ABCA13: variants seen among roughly 807,000 people sequenced by gnomAD.
The protein encoded by ABCA13 is ATP binding cassette subfamily A member 13.
A neutral mutation model predicts 478.7 loss-of-function variants in ABCA13; 476 were observed. The observed-to-expected ratio is 0.99, with a 90% confidence interval of 0.92 to 1.07. The LOEUF is 1.07. Ranked by LOEUF, ABCA13 falls within the 50% of genes least tolerant of loss-of-function variation. The pLI is 0.00. For missense variants in ABCA13, 6,060 were observed against 5,910.6 expected (o/e 1.03, Z -0.83); for synonymous variants, 2,252 against 2,158.9 (o/e 1.04, Z -1.20).
intron 58 of ABCA13, among the ~76,000 whole-genome samples, chr7:48,607,146 G>C (rs1027346406): frequency 1.3e-5 from 2 of 151,878 alleles, no homozygotes; most frequent in African/African-American, 2.4e-5. Flanking sequence ...TGGGCTCTGT[G>C]GGGGTGGGAC....
Position 48,411,291 on chromosome 7 carries a change from C to CTCTTTTCTTTTCTTTTCTTTTCTT in ABCA13, c.12228+615_12228+616insCTTTTCTTTTCTTTTCTTTTCTTT, listed in dbSNP as rs1554500144. Among the ~76,000 whole-genome samples the CTCTTTTCTTTTCTTTTCTTTTCTT allele has an allele frequency of 9.5e-4, 88 of 92,864 alleles. 1 individual carries two copies. The highest frequency in any genetic ancestry group is 1.3e-3 in the Admixed American group (10 of 7,580). 60.9% of individuals were successfully genotyped at this position (92,864 alleles called of 152,430 possible). A position where few individuals can be genotyped will look rare whatever the true frequency, so the allele number is the denominator to read the frequency against. On this transcript the variant is annotated intron_variant, in intron 40 of 61. Transcript: ENST00000435803. ...TTCCTCCCTCCCTCCTCCTTCCTTCCTTCTTTTCTTTTCTTTTCTTTTCTT... is the reference window on the plus strand; with the variant it reads ...TTCCTCCCTCCCTCCTCCTTCCTTCCTCTTTTCTTTTCTTTTCTTTTCTTTTCTTTTCTTTTCTTTTCTTTTCTT...
intron 42 of ABCA13, 88 bp downstream of exon 42, chr7:48,427,959 C>T: frequency 1.1e-6 from 1 of 927,168 alleles, no homozygotes. Context: ...AGTTGTATAG[C>T]AAGGTTCTGA....
intron 58 of ABCA13, among the ~76,000 whole-genome samples, chr7:48,607,446 G>A (rs1325801094): frequency 3.9e-5 from 6 of 152,084 alleles, no homozygotes; most frequent in South Asian, 4.1e-4. Context: ...CACCTTCTGC[G>A]TCGATCTCTC....
rs190835344 is a variant in ABCA13 at position 48,321,679 on chromosome 7, G to A, written c.9999+4383G>A. 6.4e-3 allele frequency among the ~76,000 whole-genome samples: 981 copies of A among 152,322 alleles called. 9 individuals are homozygous for A. Among genetic ancestry groups the A allele is most frequent in the Non-Finnish European group, 8.4e-3 (574 of 68,030 alleles). ...AGGCCTTGGGGACCTGCTATGAGCC[G>A]GCTGCCGTGAGAGCGAGGTGGCCTC... On this transcript the variant is annotated intron_variant, in intron 27 of 61. Transcript: ENST00000435803.
intron 31 of ABCA13, among the ~76,000 whole-genome samples, chr7:48,362,929 C>T (rs1249888580): frequency 1.3e-5 from 2 of 152,078 alleles, no homozygotes; most frequent in Non-Finnish European, 2.9e-5. Context: ...ACTTTTTCTT[C>T]GTCTCTAACT....
In ABCA13 at chr7:48,374,433, G is replaced by GT. The variant is rs760504237; in HGVS notation, c.11203+18dup. Reference sequence around the variant, plus strand: ...AAGAGACAGGTAAGAGCATGCATGTGTAAAAAGTGACTCTCAGTGAATCAC... The same window carrying GT: ...AAGAGACAGGTAAGAGCATGCATGTGTTAAAAAGTGACTCTCAGTGAATCAC... On this transcript the variant is annotated intron_variant, in intron 34 of 61. Coordinates refer to ENST00000435803, the MANE Select transcript of ABCA13 (RefSeq NM_152701.5). The GT allele has an allele frequency of 6.3e-7, 1 of 1,598,190 alleles. No individual in the cohort carries two copies. The highest frequency in any genetic ancestry group is 8.5e-7 in the Non-Finnish European group (1 of 1,171,984).
At chr7:48,254,544 A>G (rs539601450) in intron 15 of ABCA13, among the ~76,000 whole-genome samples, 2 of 152,260 alleles carry the variant, frequency 1.3e-5, no homozygotes, top group South Asian at 4.1e-4. Context: ...CACTCTACAT[A>G]AATCTTTTTA....
chr7:48,382,798 G>C (rs1006734046), intron 35 of ABCA13, among the ~76,000 whole-genome samples: 2 of 151,322 alleles, frequency 1.3e-5, no homozygotes, highest in African/African-American at 4.9e-5. Flanking sequence ...CTAGAATGAA[G>C]GTCATAAGAA....
chr7:48,216,214 G>A (rs1786452193), intron 3 of ABCA13, among the ~76,000 whole-genome samples: 1 of 152,146 alleles, frequency 6.6e-6, no homozygotes, highest in South Asian at 2.1e-4. Context: ...CCCATCATCA[G>A]TGGTAGAAAG....
intron 42 of ABCA13, among the ~76,000 whole-genome samples, chr7:48,440,699 A>G (rs1823468542): frequency 6.6e-6 from 1 of 151,724 alleles, no homozygotes; most frequent in Non-Finnish European, 1.5e-5. Context: ...TTGAAGATGT[A>G]TTGCCTATAT....
chr7:48,235,207 A>G (rs1427069131), intron 8 of ABCA13, among the ~76,000 whole-genome samples: 2 of 152,176 alleles, frequency 1.3e-5, no homozygotes, highest in African/African-American at 4.8e-5. Flanking sequence ...TTTATTAATC[A>G]TCTCACAATT....
intron 19 of ABCA13, among the ~76,000 whole-genome samples, chr7:48,283,055 G>A (rs577322856): frequency 1.5e-4 from 23 of 152,330 alleles, no homozygotes; most frequent in Middle Eastern, 3.4e-3. Flanking sequence ...TGGGCTGTTG[G>A]CATGTTCTGG....
In ABCA13 at chr7:48,272,859, C is replaced by T. The variant is rs1361670895; in HGVS notation, c.3193C>T (p.Leu1065Phe). 3 of 1,607,254 alleles carry T rather than the reference C, an allele frequency of 1.9e-6. No homozygotes were observed. Among genetic ancestry groups the T allele is most frequent in the Non-Finnish European group, 1.7e-6 (2 of 1,175,960 alleles). The stretch of plus-strand genomic sequence containing the variant: ...AGTGATCCACACTACTTTGACAGGC[C>T]TCAAACAGCTGCTCATAATTGATGA... ...LEVIHTTLTGLKQLLIIDEDF... is the reference protein window; with the variant it reads ...LEVIHTTLTGFKQLLIIDEDF... The change falls in exon 17 of 62, where the codon CTC (leucine) becomes TTC (phenylalanine). Residue 1065 changes from leucine to phenylalanine, a missense_variant. Coordinates refer to ENST00000435803, the MANE Select transcript of ABCA13 (RefSeq NM_152701.5).
intron 55 of ABCA13, among the ~76,000 whole-genome samples, chr7:48,566,932 A>G (rs908739775): frequency 6.6e-6 from 1 of 152,164 alleles, no homozygotes; most frequent in African/African-American, 2.4e-5. Context: ...CTCCGCAAAC[A>G]TTCTACCGAA....
chr7:48,444,957 G>A (rs921284392), intron 42 of ABCA13, among the ~76,000 whole-genome samples: 4 of 151,782 alleles, frequency 2.6e-5, no homozygotes, highest in Non-Finnish European at 5.9e-5. Context: ...GATTCCATCA[G>A]GGCATGCTCT....
At chr7:48,526,450 A>T (rs945222573) in intron 54 of ABCA13, among the ~76,000 whole-genome samples, 29 of 152,340 alleles carry the variant, frequency 1.9e-4, no homozygotes, top group Middle Eastern at 3.4e-3. Flanking sequence ...AATTACCTAG[A>T]TGGAGAGTGC....
chr7:48,208,499 T>C (rs1377899398), intron 3 of ABCA13, among the ~76,000 whole-genome samples: 1 of 152,074 alleles, frequency 6.6e-6, no homozygotes, highest in African/African-American at 2.4e-5. Flanking sequence ...GGTTTTATAG[T>C]TTTCATTGCA....
chr7:48,480,552 C>G (rs1347568239), intron 45 of ABCA13, among the ~76,000 whole-genome samples: 1 of 152,226 alleles, frequency 6.6e-6, no homozygotes, highest in Non-Finnish European at 1.5e-5. Flanking sequence ...CCTCCTCCTA[C>G]CTTGTTAGGT....
At chr7:48,362,993 A>G (rs1157258275) in intron 31 of ABCA13, among the ~76,000 whole-genome samples, 1 of 152,164 alleles carries the variant, frequency 6.6e-6, no homozygotes, top group Non-Finnish European at 1.5e-5. Flanking sequence ...ATTTCAGGGA[A>G]TAGTAGCATT....
Sources: gnomAD v4.1 joint callset for allele counts (sites outside exome capture counted in the v4.1 genomes callset) on GRCh38, gnomAD v4.1.1 for gene constraint, MANE v1.5 for transcripts, NCBI Gene and HGNC (gene_info 2026-07-23, HGNC 2026-07-21) for gene names.